Variants in NLRP8 observed in about 807,000 individuals in gnomAD.
The protein encoded by NLRP8 is NACHT, LRR and PYD domains-containing protein 8.
NLRP8 carries 86 observed loss-of-function variants against 88.7 expected under a neutral mutation model. The ratio of observed to expected loss-of-function variants is 0.97; its 90% CI spans 0.81 to 1.16. The LOEUF is 1.16. Ranked by LOEUF, NLRP8 falls within the 50% of genes most tolerant of loss-of-function variation. NLRP8 has a pLI of 0.00. For synonymous variants in NLRP8, 504 were observed against 494.6 expected, an observed-to-expected ratio of 1.02 and a Z score of -0.25; for missense variants, 1,342 against 1,286.5, an observed-to-expected ratio of 1.04 and a Z score of -0.66.
chr19:55,984,429 G>GA (rs1980711118), intron 9 of NLRP8, among the ~76,000 whole-genome samples: 10 of 144,036 alleles, frequency 6.9e-5, no homozygotes, highest in African/African-American at 2.1e-4. Flanking sequence ...CCGAAGCGGG[G>GA]GGATCACCTG....
At position 55,988,611 on chromosome 19, in the gene NLRP8, T is replaced by C. The variant is rs905933475; in HGVS notation, c.*698T>C. ...CTGCTCAATCACCTCATCTTAAAAA[T>C]AAAATCACTGTCCCTAGACCATACT... On this transcript the variant is annotated 3_prime_UTR_variant, in exon 10 of 10. Transcript: ENST00000291971. 2 of 126,986 alleles carry C rather than the reference T, an allele frequency of 1.6e-5. No individual in the cohort carries two copies. Among genetic ancestry groups the C allele is most frequent in the African/African-American group, 5.3e-5 (2 of 38,054 alleles). 7.9% of individuals were successfully genotyped at this position (126,986 alleles called of 1,614,324 possible).
At position 55,948,193 on chromosome 19, in the gene NLRP8, T is replaced by G; in HGVS notation, c.291T>G (p.Ala97=). 6.2e-7 allele frequency: 1 copy of G among 1,614,172 alleles called. No homozygotes were observed. Residue 97 remains alanine, a synonymous_variant, in exon 1 of 10, where the codon GCT becomes GCG. Transcript: ENST00000291971. Reference sequence around the variant, plus strand: ...TAGAGCGTTTCCCTGGACGACGCGCTTGGGATGTGACTTCGAACATCTTTG... The same window carrying G: ...TAGAGCGTTTCCCTGGACGACGCGCGTGGGATGTGACTTCGAACATCTTTG...
chr19:55,951,323 T>C (rs1484788084), intron 1 of NLRP8, among the ~76,000 whole-genome samples: 1 of 152,204 alleles, frequency 6.6e-6, no homozygotes, highest in Non-Finnish European at 1.5e-5. Flanking sequence ...GTTTTTATAT[T>C]GATCAGTCCA....
chr19:55,957,036 T>A (rs1979387334), intron 3 of NLRP8, among the ~76,000 whole-genome samples: 1 of 151,916 alleles, frequency 6.6e-6, no homozygotes, highest in African/African-American at 2.4e-5. Flanking sequence ...CAAGCAATCT[T>A]CCCACCTTGG....
At chr19:55,956,917 C>A (rs146640491) in intron 3 of NLRP8, among the ~76,000 whole-genome samples, 155 of 152,258 alleles carry the variant, frequency 1.0e-3, no homozygotes, top group Middle Eastern at 3.4e-3. Context: ...CTCAGCCTCC[C>A]AGGTATCTGG....
chr19:55,976,580 G>A (rs568895678), intron 8 of NLRP8, among the ~76,000 whole-genome samples: 1 of 152,118 alleles, frequency 6.6e-6, no homozygotes, highest in Non-Finnish European at 1.5e-5. Context: ...GTTAACAATT[G>A]TTTTAAAAAA....
At chr19:55,980,301 C>T (rs1980517860) in intron 9 of NLRP8, among the ~76,000 whole-genome samples, 1 of 152,106 alleles carries the variant, frequency 6.6e-6, no homozygotes, top group South Asian at 2.1e-4. Flanking sequence ...TAACACAGTG[C>T]CTAACACATG....
intron 9 of NLRP8, among the ~76,000 whole-genome samples, chr19:55,983,002 G>A (rs1241727314): frequency 6.6e-6 from 1 of 152,068 alleles, no homozygotes; most frequent in East Asian, 1.9e-4. Flanking sequence ...CTGATTGAAT[G>A]AGTTCCCACC....
chr19:55,987,688 G>A, intron 9 of NLRP8: 1 of 673,882 alleles, frequency 1.5e-6, no homozygotes, highest in East Asian at 2.8e-5. Context: ...AGGACACCTG[G>A]GTAGAAAGGT....
rs1046640451 is a variant in NLRP8 at position 55,975,167 on chromosome 19, C to T, written c.2706-966C>T. Among the ~76,000 whole-genome samples, 3 of 152,202 alleles carry T rather than the reference C, an allele frequency of 2.0e-5. No homozygotes were observed. In the South Asian group the frequency reaches 6.2e-4, roughly 32 times the overall value. On this transcript the variant is annotated intron_variant, in intron 7 of 9. Coordinates refer to ENST00000291971, the MANE Select transcript of NLRP8 (RefSeq NM_176811.2). ...AATCCCCTCTTTATTTCTTGTCTCA[C>T]ATGAGAATATGAGCTGCTAAAAGGC...
At position 55,948,289 on chromosome 19, in the gene NLRP8, A is replaced by G; in HGVS notation, c.367+20A>G. ...TAAATGGTGAGTGTTGATCTGGTGG[A>G]TAAAGTGGGGGTGGGCTTGGCTGCT... On this transcript the variant is annotated intron_variant, in intron 1 of 9. Coordinates refer to ENST00000291971, the MANE Select transcript of NLRP8 (RefSeq NM_176811.2). 1 of 1,587,090 alleles carries G rather than the reference A, an allele frequency of 6.3e-7. No individual in the cohort carries two copies. Among genetic ancestry groups the G allele is most frequent in the Non-Finnish European group, 8.6e-7 (1 of 1,162,944 alleles).
intron 7 of NLRP8, among the ~76,000 whole-genome samples, chr19:55,975,027 C>T (rs1297966003): frequency 6.6e-6 from 1 of 152,176 alleles, no homozygotes; most frequent in African/African-American, 2.4e-5. Context: ...AGCTTGAAAT[C>T]AGCCATGGCA....
intron 5 of NLRP8, among the ~76,000 whole-genome samples, chr19:55,967,760 A>G (rs772327690): frequency 1.3e-5 from 2 of 152,228 alleles, no homozygotes; most frequent in African/African-American, 2.4e-5. Context: ...CTGATTTTTC[A>G]TCATTCAGGA....
chr19:55,955,537 T>G lies in NLRP8; in HGVS notation c.1479T>G (p.Leu493=). 2 of 1,614,192 alleles carry G rather than the reference T, an allele frequency of 1.2e-6. No individual in the cohort carries two copies. The highest frequency in any genetic ancestry group is 1.7e-6 in the Non-Finnish European group (2 of 1,180,032). The change falls in exon 3 of 10, where the codon CTT becomes CTG. Residue 493 remains leucine (L), a synonymous_variant. Transcript: ENST00000291971. Reference sequence around the variant, plus strand: ...CCGCCTTCCTTGGCATGAGTATTCTTCGGAGAATTGCAGGTGAGGAAGACC... The same window carrying G: ...CCGCCTTCCTTGGCATGAGTATTCTGCGGAGAATTGCAGGTGAGGAAGACC...
chr19:55,976,371 T>C lies in NLRP8; in HGVS notation c.2876+68T>C, dbSNP rs1980325018. The stretch of plus-strand genomic sequence containing the variant: ...TATATAAGCGTCTCTCAGGATGGAA[T>C]ATATAACAGGAAAGGGCTGTCTTTT... On this transcript the variant is annotated intron_variant, in intron 8 of 9. Coordinates refer to ENST00000291971, the MANE Select transcript of NLRP8 (RefSeq NM_176811.2). 10 of 1,315,964 alleles carry C rather than the reference T, an allele frequency of 7.6e-6. No individual in the cohort carries two copies. The South Asian group carries it at 7.9e-5, about 10-fold the overall frequency. The allele number at this position is 1,315,964 out of a possible 1,614,324, so 81.5% of individuals were successfully genotyped here. A position where few individuals can be genotyped will look rare whatever the true frequency, so the allele number is the denominator to read the frequency against.
chr19:55,985,022 G>A (rs1275181813), intron 9 of NLRP8, among the ~76,000 whole-genome samples: 1 of 152,178 alleles, frequency 6.6e-6, no homozygotes, highest in Non-Finnish European at 1.5e-5. Flanking sequence ...GAAGAAATGT[G>A]GCCAAGCGCG....
chr19:55,983,623 G>A (rs577116768), intron 9 of NLRP8, among the ~76,000 whole-genome samples: 2 of 151,866 alleles, frequency 1.3e-5, no homozygotes, highest in Non-Finnish European at 2.9e-5. Context: ...AGTAAGAGTA[G>A]TGGGAAAACA....
rs1391851906 is a variant in NLRP8, at chr19:55,954,860, C to A, written c.802C>A (p.Gln268Lys). 6.2e-7 allele frequency: 1 copy of A among 1,614,192 alleles called. No homozygotes were observed. Residue 268 changes from glutamine to lysine, a missense_variant, in exon 3 of 10, where the codon CAG becomes AAG. Physicochemically the swap from Gln to Lys is moderately conservative, Grantham distance 53 (BLOSUM62 1). Transcript: ENST00000291971. ...GATTGAGCAAAAGTGGCCTGGATCT[C>A]AGGACCTCGTGTCAAAGATTATGTC...
intron 1 of NLRP8, among the ~76,000 whole-genome samples, chr19:55,952,081 ATTG>A (rs1979119771): frequency 6.6e-6 from 1 of 152,056 alleles, no homozygotes; most frequent in East Asian, 1.9e-4. Context: ...GTATTATTTT[ATTG>A]TTGTATTTTT....
Sources: gnomAD v4.1 joint callset for allele counts (sites outside exome capture counted in the v4.1 genomes callset) on GRCh38, gnomAD v4.1.1 for gene constraint, MANE v1.5 for transcripts, NCBI Gene and HGNC (gene_info 2026-07-23, HGNC 2026-07-21) for gene names.